The following DAB1 variants were observed in gnomAD, a reference collection of about 807,000 sequenced individuals.
DAB1 encodes the protein DAB adaptor protein 1, also known as disabled homolog 1.
In DAB1, 15 loss-of-function variants were observed where a neutral mutation model predicts 64.6. The ratio of observed to expected loss-of-function variants is 0.23; its 90% confidence interval spans 0.16 to 0.36. DAB1 has a LOEUF of 0.36. Ranked by LOEUF, DAB1 falls within the 10% of genes least tolerant of loss-of-function variation. DAB1 has a pLI of 1.00. For synonymous variants in DAB1, 235 were observed against 251.9 expected (o/e 0.93, Z 0.64); for missense variants, 596 against 706.7 (o/e 0.84, Z 1.78).
In DAB1 at chr1:58,424,247, T is replaced by A. The variant is rs546609010; in HGVS notation, n.258-80844A>T. On this transcript the variant is annotated intron_variant and non_coding_transcript_variant, in intron 3 of 20. Transcript: ENST00000485760. The stretch of plus-strand genomic sequence containing the variant: ...GAAGAGTTTCCTCTTATTCAGTCTT[T>A]TTATTCTATTTGGGCCTTCAACTGA... 6.6e-5 allele frequency among the ~76,000 whole-genome samples: 10 copies of A among 152,326 alleles called. No individual in the cohort carries two copies. The East Asian group carries it at 1.9e-3, about 29-fold the overall frequency.
At chr1:57,101,709 G>A (rs754985200) in intron 4 of DAB1, among the ~76,000 whole-genome samples, 2 of 152,184 alleles carry the variant, frequency 1.3e-5, no homozygotes, top group East Asian at 1.9e-4. Flanking sequence ...TCTACACCAG[G>A]CACTCTGCTA....
At chr1:58,204,280 C>G (rs1198393879) in intron 4 of DAB1, among the ~76,000 whole-genome samples, 1 of 152,190 alleles carries the variant, frequency 6.6e-6, no homozygotes, top group East Asian at 1.9e-4. Flanking sequence ...GCACAAAGAA[C>G]TGTCATGAAA....
At chr1:57,752,673 T>C (rs1046863953) in intron 6 of DAB1, among the ~76,000 whole-genome samples, 4 of 152,150 alleles carry the variant, frequency 2.6e-5, no homozygotes, top group Non-Finnish European at 4.4e-5. Context: ...ATTTTGGAGT[T>C]TGAGAGCCAG....
chr1:58,475,632 T>A (rs940530979), intron 3 of DAB1, among the ~76,000 whole-genome samples: 3 of 152,204 alleles, frequency 2.0e-5, no homozygotes, highest in African/African-American at 7.2e-5. Flanking sequence ...GTGACCTCTC[T>A]TAACTAATAA....
At chr1:57,097,004 T>A (rs1258178620) in intron 4 of DAB1, among the ~76,000 whole-genome samples, 1 of 152,172 alleles carries the variant, frequency 6.6e-6, no homozygotes, top group Non-Finnish European at 1.5e-5. Context: ...CCAGCTAGGT[T>A]ATGGCCCCAA....
At chr1:58,539,933 G>A (rs1306596007) in intron 1 of DAB1, among the ~76,000 whole-genome samples, 1 of 152,144 alleles carries the variant, frequency 6.6e-6, no homozygotes, top group Non-Finnish European at 1.5e-5. Flanking sequence ...GACAAGAGCT[G>A]CACAGAGAAA....
rs565403336 is a variant in DAB1 at position 57,678,062 on chromosome 1, C to T, written n.552-28397G>A. ...AGGGTATGGTTTGGAGTTCAAAAAG[C>T]TTCCTAAGTGATTCTGATGTGCAGA... On this transcript the variant is annotated intron_variant and non_coding_transcript_variant, in intron 6 of 20. Transcript: ENST00000485760. Among the ~76,000 whole-genome samples, 762 of 152,234 alleles carry T rather than the reference C, an allele frequency of 5.0e-3. 10 individuals carry two copies. The highest frequency in any genetic ancestry group is 0.018 in the African/African-American group (737 of 41,534).
intron 6 of DAB1, among the ~76,000 whole-genome samples, chr1:57,809,188 C>A (rs1231212077): frequency 6.6e-6 from 1 of 152,102 alleles, no homozygotes; most frequent in African/African-American, 2.4e-5. Flanking sequence ...TACTCAAGAG[C>A]AGAAAAGCAT....
At chr1:58,425,614 G>A (rs1467205196) in intron 3 of DAB1, among the ~76,000 whole-genome samples, 1 of 152,152 alleles carries the variant, frequency 6.6e-6, no homozygotes, top group East Asian at 1.9e-4. Context: ...GATGAAAAGA[G>A]AAGGAGCCAG....
chr1:58,364,714 C>T (rs1644199731), intron 3 of DAB1, among the ~76,000 whole-genome samples: 1 of 152,212 alleles, frequency 6.6e-6, no homozygotes, highest in African/African-American at 2.4e-5. Flanking sequence ...TATTTATATA[C>T]ATGTGTGTAT....
intron 2 of DAB1, among the ~76,000 whole-genome samples, chr1:57,191,870 C>A (rs1444135986): frequency 6.6e-6 from 1 of 152,032 alleles, no homozygotes; most frequent in Non-Finnish European, 1.5e-5. Flanking sequence ...TAATACCTAC[C>A]CCTATTCATC....
chr1:57,426,323 T>G (rs1434875160), upstream of DAB1, among the ~76,000 whole-genome samples: 2 of 152,190 alleles, frequency 1.3e-5, no homozygotes, highest in Non-Finnish European at 2.9e-5. Context: ...CTGGGCAAAT[T>G]TCCCTGAAAT....
In DAB1 at chr1:56,996,209, T is replaced by C. The variant is rs2101593976; in HGVS notation, c.*1935A>G. On this transcript the variant is annotated 3_prime_UTR_variant, in exon 15 of 15. Coordinates refer to ENST00000371236, the MANE Select transcript of DAB1 (RefSeq NM_001365792.1). ...GTTTCTATTGATATGAAGAATCAAA[T>C]GCAGGCCTATTCAAATCAATTGTCT... 6.6e-6 allele frequency: 1 copy of C among 152,352 alleles called. No individual in the cohort carries two copies. The highest frequency in any genetic ancestry group is 2.1e-4 in the South Asian group (1 of 4,826). The allele number at this position is 152,352 out of a possible 1,614,324, so 9.4% of individuals were successfully genotyped here.
At chr1:58,298,283 C>T (rs1021139293) in intron 4 of DAB1, among the ~76,000 whole-genome samples, 2 of 152,120 alleles carry the variant, frequency 1.3e-5, no homozygotes, top group Non-Finnish European at 2.9e-5. Context: ...AACAGGTGCA[C>T]AGGATTACAT....
chr1:57,836,255 T>A (rs1470496388), intron 1 of DAB1, among the ~76,000 whole-genome samples: 3 of 152,200 alleles, frequency 2.0e-5, no homozygotes, highest in African/African-American at 7.2e-5. Context: ...ATGAAATTCA[T>A]CAAAATGTAA....
intron 1 of DAB1, among the ~76,000 whole-genome samples, chr1:57,377,624 C>T (rs1681015484): frequency 6.6e-6 from 1 of 152,148 alleles, no homozygotes; most frequent in Non-Finnish European, 1.5e-5. Context: ...CCAGTTAAGT[C>T]CTCCCTCTTA....
chr1:57,648,399 C>T (rs1000385056), intron 7 of DAB1, among the ~76,000 whole-genome samples: 3 of 152,090 alleles, frequency 2.0e-5, no homozygotes, highest in Admixed American at 6.6e-5. Flanking sequence ...AAGCCACCAA[C>T]GAAATGCAAA....
At chr1:57,259,969 A>T (rs1490235465) in intron 2 of DAB1, among the ~76,000 whole-genome samples, 3 of 152,196 alleles carry the variant, frequency 2.0e-5, no homozygotes, top group Admixed American at 2.0e-4. Flanking sequence ...CACATTTCAT[A>T]GTTTGTTCCT....
At chr1:58,305,987 C>A (rs557298226) in intron 4 of DAB1, among the ~76,000 whole-genome samples, 1 of 151,762 alleles carries the variant, frequency 6.6e-6, no homozygotes, top group Non-Finnish European at 1.5e-5. Context: ...CACCCCCCCA[C>A]CCCCCTCCAC....
Sources: gnomAD v4.1 joint callset for allele counts (sites outside exome capture counted in the v4.1 genomes callset) on GRCh38, gnomAD v4.1.1 for gene constraint, MANE v1.5 for transcripts, NCBI Gene and HGNC (gene_info 2026-07-23, HGNC 2026-07-21) for gene names.